Variants in ZNF236 observed in about 807,000 individuals in gnomAD.
ZNF236 encodes zinc finger protein 236, also known as regulated by glucose.
Under a neutral mutation model 191.2 loss-of-function variants are expected in ZNF236, and 50 were observed. The observed-to-expected ratio is 0.26, with a 90% CI of 0.21 to 0.33. The LOEUF (loss-of-function observed/expected upper bound fraction) is 0.33, where lower values mean the gene tolerates loss of function less well. Ranked by LOEUF, ZNF236 falls within the 10% of genes least tolerant of loss-of-function variation. The probability of loss-of-function intolerance (pLI) is 1.00; values close to 1 mark genes in which losing one functional copy is unlikely to be tolerated. For synonymous variants in ZNF236, 907 were observed against 928.8 expected (o/e 0.98, Z 0.43); for missense variants, 1,754 against 2,374.5 (o/e 0.74, Z 5.43).
chr18:76,924,855 G>A (rs570130690), intron 21 of ZNF236, among the ~76,000 whole-genome samples: 1 of 152,082 alleles, frequency 6.6e-6, no homozygotes, highest in South Asian at 2.1e-4. Context: ...ATTCAGAGCC[G>A]GGCTGTTAAG....
At position 76,972,019 on chromosome 18, in the gene ZNF236, AGATGAGATTATGCGGCG is replaced by A. The variant is rs965004238; in HGVS notation, c.*3684_*3700del. 6.6e-6 allele frequency among the ~76,000 whole-genome samples: 1 copy of A among 152,246 alleles called. No homozygotes were observed. Among genetic ancestry groups the A allele is most frequent in the African/African-American group, 2.4e-5 (1 of 41,476 alleles). On this transcript the variant is annotated 3_prime_UTR_variant, in exon 31 of 31. Coordinates refer to ENST00000320610, the MANE Select transcript of ZNF236 (RefSeq NM_001306089.2). Reference sequence around the variant, plus strand: ...ACTGCATAGGAAGTAAGTGAGGCAGAGATGAGATTATGCGGCGGATACTTCTGAAGGAAGCGTTCTTT... The same window carrying A: ...ACTGCATAGGAAGTAAGTGAGGCAGAGATACTTCTGAAGGAAGCGTTCTTT...
chr18:76,960,788 C>A lies in ZNF236; in HGVS notation c.5352C>A (p.Tyr1784Ter). The A allele has an allele frequency of 6.2e-7, 1 of 1,614,180 alleles. No homozygotes were observed. Among genetic ancestry groups the A allele is most frequent in the Non-Finnish European group, 8.5e-7 (1 of 1,180,024 alleles). The change falls in exon 30 of 31, where the codon TAC (tyrosine) becomes TAA (stop). Residue 1784 changes from tyrosine to a stop codon, truncating the protein, a stop_gained. Coordinates refer to ENST00000320610, the MANE Select transcript of ZNF236 (RefSeq NM_001306089.2). LOFTEE classifies it high-confidence loss of function. This position sits in a 1 kb window ranked among gnomAD's most constrained non-coding sequence, Gnocchi z 4.4. Reference protein sequence around the residue: ...HTGERPYKCAYCVMGFTQKSN... With the variant: ...HTGERPYKCA ...GGGAGCGGCCCTACAAGTGTGCCTA[C>A]TGCGTCATGGGCTTCACGCAGAAGA...
In ZNF236 at chr18:76,925,126, G is replaced by T. The variant is rs1967638544; in HGVS notation, c.3662-63G>T. ...TTTACATCCATAGTGACAGCTGAGT[G>T]GGGTGGGGGTGAGTGTCGCGACTGC... On this transcript the variant is annotated intron_variant, in intron 21 of 30. Transcript: ENST00000320610. This position sits in a 1 kb window ranked among gnomAD's most constrained non-coding sequence, Gnocchi z 5.7. The T allele has an allele frequency of 7.0e-6, 11 of 1,565,568 alleles. No individual in the cohort carries two copies. Among genetic ancestry groups the T allele is most frequent in the African/African-American group, 1.4e-5 (1 of 73,456 alleles).
Position 76,956,068 on chromosome 18 carries a change from C to T in ZNF236, c.4998C>T (p.Arg1666=), listed in dbSNP as rs147632864. Reference sequence around the variant, plus strand: ...CGCACCAGTGCCTGGAGTGTGACCGCGCCTTCTCATCGGCGGCGGTGCTCA... The same window carrying T: ...CGCACCAGTGCCTGGAGTGTGACCGTGCCTTCTCATCGGCGGCGGTGCTCA... The part of the protein sequence containing the change: ...GRAHQCLECD[R]AFSSAAVLMH... The change falls in exon 28 of 31, where the codon CGC becomes CGT. Residue 1666 remains arginine (R), a synonymous_variant. Coordinates refer to ENST00000320610, the MANE Select transcript of ZNF236 (RefSeq NM_001306089.2). 26 of 1,607,126 alleles carry T rather than the reference C, an allele frequency of 1.6e-5. No homozygotes were observed. The East Asian group carries it at 2.5e-4, about 15-fold the overall frequency.
chr18:76,877,376 C>G (rs895317916), intron 6 of ZNF236, among the ~76,000 whole-genome samples: 1 of 151,954 alleles, frequency 6.6e-6, no homozygotes, highest in African/African-American at 2.4e-5. Flanking sequence ...GGCACGATGG[C>G]AGGCGCCTGT....
intron 2 of ZNF236, among the ~76,000 whole-genome samples, chr18:76,851,462 G>T (rs1385021823): frequency 6.6e-6 from 1 of 151,932 alleles, no homozygotes; most frequent in African/African-American, 2.4e-5. Flanking sequence ...ATGTTTTAAA[G>T]GTTATCTTTG....
intron 20 of ZNF236, among the ~76,000 whole-genome samples, chr18:76,921,600 G>T (rs976266215): frequency 4.6e-5 from 7 of 152,148 alleles, no homozygotes; most frequent in African/African-American, 1.4e-4. Context: ...ACATGGAGGT[G>T]TTGAGACAGC....
rs77384671 is a variant in ZNF236 at position 76,833,457 on chromosome 18, T to G, written c.55+10795T>G. Among the ~76,000 whole-genome samples, 545 of 152,294 alleles carry G rather than the reference T, an allele frequency of 3.6e-3. 4 individuals carry two copies. The highest frequency in any genetic ancestry group is 0.012 in the African/African-American group (518 of 41,562). On this transcript the variant is annotated intron_variant, in intron 1 of 30. Transcript: ENST00000320610. ...TACTTTGTATTTTTTGTGGTGATCA[T>G]GTGATTTTTCTTTTATATTTTGTTA...
Position 76,923,058 on chromosome 18 carries a change from G to A in ZNF236, c.3558-13G>A. ...GTTTGTCAATATGTCTATAATTAAT[G>A]CTTTTTGGATAGGCATGTTCGAATC... On this transcript the variant is annotated splice_polypyrimidine_tract_variant and intron_variant, in intron 20 of 30. Transcript: ENST00000320610. The A allele has an allele frequency of 6.3e-7, 1 of 1,589,070 alleles. No individual in the cohort carries two copies. The highest frequency in any genetic ancestry group is 8.6e-7 in the Non-Finnish European group (1 of 1,157,766).
chr18:76,956,121 G>T lies in ZNF236; in HGVS notation c.5051G>T (p.Arg1684Leu). ...LMHHSKEVHG[R>L]ERIHGCPVCR... ...CACCACAGCAAGGAGGTGCATGGCC[G>T]GGAGCGCATCCACGGCTGCCCCGTG... The change falls in exon 28 of 31, where the codon CGG (arginine) becomes CTG (leucine). Residue 1684 changes from arginine (R) to leucine (L), a missense_variant. By Grantham distance (102) the Arg-to-Leu change is moderately radical. Transcript: ENST00000320610. 1 of 1,575,944 alleles carries T rather than the reference G, an allele frequency of 6.3e-7. No individual in the cohort carries two copies. The highest frequency in any genetic ancestry group is 1.8e-5 in the Admixed American group (1 of 54,488).
chr18:76,836,107 C>T (rs1358889241), intron 1 of ZNF236, among the ~76,000 whole-genome samples: 2 of 151,892 alleles, frequency 1.3e-5, no homozygotes, highest in Non-Finnish European at 2.9e-5. Flanking sequence ...GGGGTTTCAC[C>T]ATGTTGGCCA....
intron 26 of ZNF236, among the ~76,000 whole-genome samples, chr18:76,945,410 AT>A (rs1158131425): frequency 6.6e-6 from 1 of 152,260 alleles, no homozygotes; most frequent in African/African-American, 2.4e-5. Flanking sequence ...ACAAAAAAGT[AT>A]AGCATTCACC....
chr18:76,826,873 T>C (rs1245968314), intron 1 of ZNF236, among the ~76,000 whole-genome samples: 2 of 152,082 alleles, frequency 1.3e-5, no homozygotes, highest in Non-Finnish European at 2.9e-5. Flanking sequence ...CACTAATTCC[T>C]GTATTCAACA....
At chr18:76,959,389 C>T (rs143392332) in intron 28 of ZNF236, among the ~76,000 whole-genome samples, 73 of 152,288 alleles carry the variant, frequency 4.8e-4, no homozygotes, top group African/African-American at 1.6e-3. Context: ...CCCTTGGTCT[C>T]GGTTAAAGCT....
intron 6 of ZNF236, among the ~76,000 whole-genome samples, chr18:76,876,983 A>T (rs570438116): frequency 1.3e-5 from 2 of 152,314 alleles, no homozygotes; most frequent in Admixed American, 1.3e-4. Context: ...AATATTATCC[A>T]ATTTTGTAAG....
chr18:76,908,889 C>T (rs919067274), intron 14 of ZNF236, among the ~76,000 whole-genome samples: 17 of 151,866 alleles, frequency 1.1e-4, no homozygotes, highest in African/African-American at 3.9e-4. Context: ...CAAAATCTAC[C>T]GTCCTTATTT....
At chr18:76,952,110 A>G (rs1968423911) in intron 27 of ZNF236, among the ~76,000 whole-genome samples, 1 of 152,128 alleles carries the variant, frequency 6.6e-6, no homozygotes, top group Non-Finnish European at 1.5e-5. Flanking sequence ...AATTACCAAA[A>G]TGTGACACAC....
At chr18:76,831,881 T>G (rs373539082) in intron 1 of ZNF236, among the ~76,000 whole-genome samples, 2 of 152,206 alleles carry the variant, frequency 1.3e-5, no homozygotes, top group East Asian at 3.8e-4. Context: ...TTATTACTGA[T>G]TTATAGGAGG....
At chr18:76,946,542 C>T (rs1599417942) in intron 26 of ZNF236, among the ~76,000 whole-genome samples, 2 of 152,210 alleles carry the variant, frequency 1.3e-5, no homozygotes, top group East Asian at 3.8e-4. Context: ...GAACATCAGC[C>T]ATGCTTCCTG....
Sources: allele counts gnomAD v4.1 joint callset (sites outside exome capture counted in the v4.1 genomes callset), GRCh38; gene constraint gnomAD v4.1.1; non-coding constraint Gnocchi (gnomAD v3.1); transcripts MANE v1.5; gene names NCBI Gene and HGNC (gene_info 2026-07-23, HGNC 2026-07-21).